The following GRM8 variants were observed in gnomAD, a reference collection of about 807,000 sequenced individuals.
The protein encoded by GRM8 is metabotropic glutamate receptor 8.
A neutral mutation model predicts 87.2 loss-of-function variants in GRM8; 47 were observed. The observed-to-expected ratio is 0.54, with a 90% CI of 0.43 to 0.69. GRM8 has a LOEUF of 0.69. GRM8 is among the 30% of genes least tolerant of loss of function. GRM8 has a pLI of 0.00. For missense variants in GRM8, 1,019 were observed against 1,139.2 expected (o/e 0.89, Z 1.52); for synonymous variants, 396 against 404.5 (o/e 0.98, Z 0.25).
At chr7:126,672,508 T>C (rs1806487879) in intron 7 of GRM8, among the ~76,000 whole-genome samples, 1 of 152,168 alleles carries the variant, frequency 6.6e-6, no homozygotes, top group South Asian at 2.1e-4. Flanking sequence ...TCTTCACAAA[T>C]AGGTAATCAT....
At chr7:127,039,512 C>A (rs1818150582) in intron 3 of GRM8, among the ~76,000 whole-genome samples, 1 of 151,480 alleles carries the variant, frequency 6.6e-6, no homozygotes, top group Non-Finnish European at 1.5e-5. Context: ...TCCCAGCAGA[C>A]TAATTTATTT....
rs75860034 is a variant in GRM8, at chr7:126,619,808, G to A, written c.1358-10310C>T. On this transcript the variant is annotated intron_variant, in intron 7 of 10. Coordinates refer to ENST00000339582, the MANE Select transcript of GRM8 (RefSeq NM_000845.3). Reference sequence around the variant, plus strand: ...TAGGATCGAGGGATCCTCCAACCTTGGCCTCCTGAGTAGCTGGGATCACAG... The same window carrying A: ...TAGGATCGAGGGATCCTCCAACCTTAGCCTCCTGAGTAGCTGGGATCACAG... Among the ~76,000 whole-genome samples the A allele has an allele frequency of 3.0e-3, 449 of 152,020 alleles. 3 individuals are homozygous for A. The highest frequency in any genetic ancestry group is 4.0e-3 in the Non-Finnish European group (273 of 67,942).
At chr7:126,453,070 A>AACACACAAACAC (rs1318650877) in intron 9 of GRM8, among the ~76,000 whole-genome samples, 8 of 145,948 alleles carry the variant, frequency 5.5e-5, no homozygotes, top group Non-Finnish European at 9.0e-5. Context: ...TTATAGCAGA[A>AACACACAAACAC]ACACACACAC....
In GRM8 at chr7:126,439,069, T is replaced by A. The variant is rs762483123; in HGVS notation, c.*50A>T. ...GTGAATTTTTGCGGTCTCATGTTCA[T>A]CATTTAAGATCATATACCACATCTC... is the stretch of plus-strand genomic sequence containing the variant. On this transcript the variant is annotated 3_prime_UTR_variant, in exon 11 of 11. Coordinates refer to ENST00000339582, the MANE Select transcript of GRM8 (RefSeq NM_000845.3). The A allele has an allele frequency of 1.8e-6, 2 of 1,110,482 alleles. No individual in the cohort carries two copies. Among genetic ancestry groups the A allele is most frequent in the Non-Finnish European group, 2.8e-6 (2 of 720,798 alleles). 68.8% of individuals were successfully genotyped at this position (1,110,482 alleles called of 1,614,324 possible).
chr7:126,917,920 G>A (rs998339179), intron 3 of GRM8, among the ~76,000 whole-genome samples: 2 of 152,088 alleles, frequency 1.3e-5, no homozygotes, highest in South Asian at 2.1e-4. Flanking sequence ...CCATAAACCC[G>A]GGTCTGCCTG....
At chr7:126,928,881 A>G (rs1048975941) in intron 3 of GRM8, among the ~76,000 whole-genome samples, 4 of 152,160 alleles carry the variant, frequency 2.6e-5, no homozygotes, top group African/African-American at 9.7e-5. Context: ...GGAAAAAAAA[A>G]TACGTATTCA....
intron 2 of GRM8, among the ~76,000 whole-genome samples, chr7:127,222,169 G>A (rs1256522724): frequency 6.6e-6 from 1 of 152,200 alleles, no homozygotes. Context: ...ACTTTGGGAG[G>A]CCAAGGCAGG....
intron 3 of GRM8, among the ~76,000 whole-genome samples, chr7:127,026,639 A>C (rs1657943825): frequency 6.6e-6 from 1 of 152,120 alleles, no homozygotes; most frequent in Non-Finnish European, 1.5e-5. Context: ...TGGCTGCATA[A>C]ATGTCTTCTT....
At chr7:126,444,277 G>A (rs1801762852) in intron 10 of GRM8, among the ~76,000 whole-genome samples, 1 of 152,008 alleles carries the variant, frequency 6.6e-6, no homozygotes, top group South Asian at 2.1e-4. Context: ...CTACTTTGAT[G>A]CCTTTAATGG....
intron 6 of GRM8, among the ~76,000 whole-genome samples, chr7:126,866,358 C>T (rs1175656783): frequency 6.6e-6 from 1 of 151,422 alleles, no homozygotes; most frequent in Admixed American, 6.6e-5. Context: ...TTCTCTTATT[C>T]TGTGAGTTGT....
intron 6 of GRM8, among the ~76,000 whole-genome samples, chr7:126,790,981 C>A (rs1390467599): frequency 6.6e-6 from 1 of 152,118 alleles, no homozygotes; most frequent in Non-Finnish European, 1.5e-5. Context: ...TCCTCATTAA[C>A]TCTTTGATAC....
At chr7:126,863,026 C>T (rs992207439) in intron 6 of GRM8, among the ~76,000 whole-genome samples, 19 of 152,018 alleles carry the variant, frequency 1.2e-4, no homozygotes, top group African/African-American at 3.4e-4. Context: ...GCTATTCCTC[C>T]TCTAACTGCT....
At chr7:126,851,998 T>C (rs1332424194) in intron 6 of GRM8, among the ~76,000 whole-genome samples, 2 of 152,178 alleles carry the variant, frequency 1.3e-5, no homozygotes, top group Admixed American at 6.5e-5. Flanking sequence ...AGAGAGTAGA[T>C]ACTGAGACTG....
At chr7:126,472,917 G>A (rs1481691140) in intron 9 of GRM8, among the ~76,000 whole-genome samples, 1 of 152,214 alleles carries the variant, frequency 6.6e-6, no homozygotes, top group East Asian at 1.9e-4. Flanking sequence ...GTTTATAAAT[G>A]GTGTTCAGCC....
At chr7:126,886,226 T>C (rs1473708419) in intron 6 of GRM8, among the ~76,000 whole-genome samples, 1 of 152,166 alleles carries the variant, frequency 6.6e-6, no homozygotes, top group Admixed American at 6.6e-5. Flanking sequence ...AATTACGGTA[T>C]ACTTAAGATG....
At chr7:127,102,940 G>T in intron 3 of GRM8, among the ~76,000 whole-genome samples, 1 of 152,210 alleles carries the variant, frequency 6.6e-6, no homozygotes, top group East Asian at 1.9e-4. Flanking sequence ...TCGGCTCACT[G>T]CAACCTCCAC....
At chr7:127,232,721 TAAC>T (rs1271581490) in intron 2 of GRM8, among the ~76,000 whole-genome samples, 1 of 152,240 alleles carries the variant, frequency 6.6e-6, no homozygotes, top group African/African-American at 2.4e-5. Flanking sequence ...ATCATCATCA[TAAC>T]AAACATTTAT....
At chr7:126,548,906 A>G (rs1817472954) in intron 8 of GRM8, among the ~76,000 whole-genome samples, 1 of 152,222 alleles carries the variant, frequency 6.6e-6, no homozygotes, top group Non-Finnish European at 1.5e-5. Flanking sequence ...AATAAATTTA[A>G]TAAGCATTTT....
At chr7:126,765,166 A>G (rs1818055509) in intron 7 of GRM8, among the ~76,000 whole-genome samples, 1 of 152,094 alleles carries the variant, frequency 6.6e-6, no homozygotes, top group Admixed American at 6.6e-5. Context: ...GAATAGCTAA[A>G]CCCTGGAAAT....
Sources: allele counts gnomAD v4.1 joint callset (sites outside exome capture counted in the v4.1 genomes callset), GRCh38; gene constraint gnomAD v4.1.1; transcripts MANE v1.5; gene names NCBI Gene and HGNC (gene_info 2026-07-23, HGNC 2026-07-21).